The following KCND2 variants were observed in gnomAD, a reference collection of about 807,000 sequenced individuals.
The protein encoded by KCND2 is A-type voltage-gated potassium channel KCND2.
In KCND2, 16 loss-of-function variants were observed where a neutral mutation model predicts 54.4. That is an observed-to-expected ratio of 0.29 (90% CI 0.20 to 0.45). The LOEUF (loss-of-function observed/expected upper bound fraction) is 0.45, where lower values mean the gene tolerates loss of function less well. Ranked by LOEUF, KCND2 falls within the 20% of genes least tolerant of loss-of-function variation. The probability of loss-of-function intolerance (pLI) is 1.00; values close to 1 mark genes in which losing one functional copy is unlikely to be tolerated. For missense variants in KCND2, 486 were observed against 824.2 expected (o/e 0.59, Z 5.02); for synonymous variants, 317 against 310.7 (o/e 1.02, Z -0.21).
At chr7:120,286,567 GAGTA>G (rs1437114816) in intron 1 of KCND2, among the ~76,000 whole-genome samples, 1 of 151,916 alleles carries the variant, frequency 6.6e-6, no homozygotes, top group Non-Finnish European at 1.5e-5. Context: ...CCTTGCATTA[GAGTA>G]AGTCTCTATC....
At chr7:120,633,602 T>C (rs1455635857) in intron 1 of KCND2, among the ~76,000 whole-genome samples, 1 of 152,142 alleles carries the variant, frequency 6.6e-6, no homozygotes, top group Non-Finnish European at 1.5e-5. Context: ...CCAAAACCTG[T>C]GGTTGTTAAT....
chr7:120,688,781 G>A (rs899270964), intron 1 of KCND2, among the ~76,000 whole-genome samples: 2 of 152,066 alleles, frequency 1.3e-5, no homozygotes, highest in African/African-American at 2.4e-5. Flanking sequence ...ACTTAAGCCT[G>A]GTTATGATTA....
chr7:120,540,718 G>T (rs769457752), intron 1 of KCND2, among the ~76,000 whole-genome samples: 1 of 152,054 alleles, frequency 6.6e-6, no homozygotes, highest in South Asian at 2.1e-4. Context: ...ACTTCCAACC[G>T]CTATAATGGA....
At position 120,309,470 on chromosome 7, in the gene KCND2, T is replaced by TAC. The variant is rs1476670794; in HGVS notation, c.1115+33724_1115+33725insCA. On this transcript the variant is annotated intron_variant, in intron 1 of 5. Coordinates refer to ENST00000331113, the MANE Select transcript of KCND2 (RefSeq NM_012281.3). ...TAGAAAACATATATATATATATATATATATACACACACACACACACACACA... is the reference window on the plus strand; with the variant it reads ...TAGAAAACATATATATATATATATATACATATACACACACACACACACACACA... Among the ~76,000 whole-genome samples, 110 of 124,256 alleles carry TAC rather than the reference T, an allele frequency of 8.9e-4. 1 individual carries two copies. Among genetic ancestry groups the TAC allele is most frequent in the South Asian group, 1.8e-3 (7 of 3,784 alleles). 81.5% of individuals were successfully genotyped at this position (124,256 alleles called of 152,430 possible). A position where few individuals can be genotyped will look rare whatever the true frequency, so the allele number is the denominator to read the frequency against.
At chr7:120,285,652 A>G (rs1174430236) in intron 1 of KCND2, among the ~76,000 whole-genome samples, 1 of 151,894 alleles carries the variant, frequency 6.6e-6, no homozygotes, top group Admixed American at 6.6e-5. Flanking sequence ...AATGTTTGCA[A>G]TAAAGGGCAG....
At position 120,296,894 on chromosome 7, in the gene KCND2, T is replaced by C. The variant is rs148011626; in HGVS notation, c.1115+21147T>C. On this transcript the variant is annotated intron_variant, in intron 1 of 5. Transcript: ENST00000331113. ...TTTAGCAATTATTTTCTAAGAATTT[T>C]TAAGCAATGTTTTTTTAAGAATTGT... Among the ~76,000 whole-genome samples, 518 of 152,204 alleles carry C rather than the reference T, an allele frequency of 3.4e-3. 10 individuals carry two copies. In the South Asian group the frequency reaches 0.047, roughly 14 times the overall value.
intron 1 of KCND2, among the ~76,000 whole-genome samples, chr7:120,568,756 G>A (rs915643938): frequency 6.6e-6 from 1 of 152,056 alleles, no homozygotes; most frequent in South Asian, 2.1e-4. Flanking sequence ...AATGAAGGTG[G>A]TACTTCATAG....
chr7:120,608,631 G>T (rs908882654), intron 1 of KCND2, among the ~76,000 whole-genome samples: 1 of 152,100 alleles, frequency 6.6e-6, no homozygotes. Flanking sequence ...CACTTTAGCT[G>T]TTTGGGCTTC....
intron 1 of KCND2, among the ~76,000 whole-genome samples, chr7:120,410,594 C>T (rs867938942): frequency 1.9e-4 from 29 of 151,860 alleles, no homozygotes; most frequent in Admixed American, 3.3e-4. Context: ...ATAAGCACAA[C>T]GTGCAGGTTT....
intron 1 of KCND2, among the ~76,000 whole-genome samples, chr7:120,504,956 T>A (rs952675825): frequency 6.6e-6 from 1 of 151,672 alleles, no homozygotes; most frequent in African/African-American, 2.4e-5. Flanking sequence ...AGAAATATTG[T>A]TGCACTTACA....
intron 2 of KCND2, among the ~76,000 whole-genome samples, chr7:120,738,545 AAC>A (rs1236401052): frequency 4.3e-4 from 65 of 152,188 alleles, no homozygotes; most frequent in African/African-American, 8.2e-4. Flanking sequence ...TGAAAATGTA[AAC>A]CTTGCTTTAA....
intron 1 of KCND2, among the ~76,000 whole-genome samples, chr7:120,392,708 G>A (rs1389953559): frequency 1.3e-5 from 2 of 151,850 alleles, no homozygotes; most frequent in Non-Finnish European, 2.9e-5. Context: ...TGCTAATCCA[G>A]AACTGCTCCC....
intron 1 of KCND2, among the ~76,000 whole-genome samples, chr7:120,629,829 C>T (rs918415447): frequency 6.6e-6 from 1 of 151,710 alleles, no homozygotes; most frequent in East Asian, 1.9e-4. Context: ...AGTTTTTAGT[C>T]GGGACAACTA....
At chr7:120,296,225 C>T (rs989490428) in intron 1 of KCND2, among the ~76,000 whole-genome samples, 7 of 151,916 alleles carry the variant, frequency 4.6e-5, no homozygotes, top group African/African-American at 9.7e-5. Flanking sequence ...TGTTGTATTT[C>T]GGGTTGACAT....
chr7:120,428,498 G>T (rs778943908), intron 1 of KCND2, among the ~76,000 whole-genome samples: 1 of 152,194 alleles, frequency 6.6e-6, no homozygotes, highest in Admixed American at 6.5e-5. Flanking sequence ...CTGAAAGAAA[G>T]ATCATATTTA....
At chr7:120,611,405 A>C (rs765544762) in intron 1 of KCND2, among the ~76,000 whole-genome samples, 29 of 152,208 alleles carry the variant, frequency 1.9e-4, no homozygotes, top group Non-Finnish European at 3.4e-4. Context: ...TGATCCAGCC[A>C]TGGGAGATAT....
chr7:120,544,670 C>G (rs1381015488), intron 1 of KCND2, among the ~76,000 whole-genome samples: 1 of 151,936 alleles, frequency 6.6e-6, no homozygotes, highest in Non-Finnish European at 1.5e-5. Context: ...CAAACACAAT[C>G]AAATTCTCAT....
chr7:120,321,790 T>C (rs567705773), intron 1 of KCND2, among the ~76,000 whole-genome samples: 10 of 152,240 alleles, frequency 6.6e-5, no homozygotes, highest in African/African-American at 2.4e-4. Flanking sequence ...ATTAAGTCTT[T>C]TATAAAAGAA....
At chr7:120,442,551 A>T (rs1375830861) in intron 1 of KCND2, among the ~76,000 whole-genome samples, 1 of 152,124 alleles carries the variant, frequency 6.6e-6, no homozygotes, top group African/African-American at 2.4e-5. Flanking sequence ...GAAAATAACA[A>T]ATTATATTTG....
Sources: allele counts gnomAD v4.1 joint callset (sites outside exome capture counted in the v4.1 genomes callset), GRCh38; gene constraint gnomAD v4.1.1; transcripts MANE v1.5; gene names NCBI Gene and HGNC (gene_info 2026-07-23, HGNC 2026-07-21).